CIB2: variants seen among roughly 807,000 people sequenced by gnomAD.
The protein encoded by CIB2 is calcium and integrin-binding family member 2.
A neutral mutation model predicts 23.1 loss-of-function variants in CIB2; 19 were observed. The ratio of observed to expected loss-of-function variants is 0.82; its 90% CI spans 0.57 to 1.21. The LOEUF (loss-of-function observed/expected upper bound fraction) is 1.21, where lower values mean the gene tolerates loss of function less well. CIB2 is among the 50% of genes most tolerant of loss of function. CIB2 has a pLI of 0.00. For synonymous variants in CIB2, 94 were observed against 91.7 expected (o/e 1.03, Z -0.14); for missense variants, 220 against 241.5 (o/e 0.91, Z 0.59).
chr15:78,109,200 C>CGGGGGGG, intron 4 of CIB2, 35 bp downstream of exon 4: 2 of 1,159,170 alleles, frequency 1.7e-6, no homozygotes, highest in African/African-American at 1.6e-5. Flanking sequence ...GTTCCCCCAC[C>CGGGGGGG]GCATATTCAG....
intron 2 of CIB2, among the ~76,000 whole-genome samples, chr15:78,114,000 T>C (rs1230121566): frequency 6.6e-6 from 1 of 152,150 alleles, no homozygotes; most frequent in African/African-American, 2.4e-5. Context: ...AGGCTGAGGT[T>C]GGAGCCCTGC....
intron 1 of CIB2, among the ~76,000 whole-genome samples, chr15:78,128,622 C>T (rs1324369729): frequency 1.4e-5 from 2 of 147,698 alleles, no homozygotes; most frequent in Admixed American, 6.8e-5. Context: ...AGCTGGGATG[C>T]GGAGGTTGCA....
At chr15:78,124,468 AGG>A (rs2141914722) in intron 1 of CIB2, among the ~76,000 whole-genome samples, 1 of 152,126 alleles carries the variant, frequency 6.6e-6, no homozygotes, top group South Asian at 2.1e-4. Flanking sequence ...CTCATCTCGG[AGG>A]GGTCCTGTCT....
intron 2 of CIB2, 46 bp downstream of exon 2, chr15:78,123,659 G>A (rs555064533): frequency 1.4e-5 from 23 of 1,610,020 alleles, no homozygotes; most frequent in East Asian, 1.3e-4. Flanking sequence ...GCCTCACCCC[G>A]GCCCCAGTCC....
Position 78,131,289 on chromosome 15 carries a change from C to G in CIB2, c.-74G>C. 8.5e-7 allele frequency: 1 copy of G among 1,181,794 alleles called. No homozygotes were observed. The highest frequency in any genetic ancestry group is 1.1e-6 in the Non-Finnish European group (1 of 946,340). 73.2% of individuals were successfully genotyped at this position (1,181,794 alleles called of 1,614,324 possible). ...GCGGCCGCCAGACCCGGAGCCAGCG[C>G]CCCGTGCCCGCGGCCCTCGGCAGCC... On this transcript the variant is annotated 5_prime_UTR_variant, in exon 1 of 6. Transcript: ENST00000258930. The surrounding 1 kb of genome is among the most constrained non-coding windows in gnomAD (Gnocchi z 5.8).
chr15:78,124,162 A>G (rs1276670064), intron 1 of CIB2, among the ~76,000 whole-genome samples: 1 of 152,084 alleles, frequency 6.6e-6, no homozygotes, highest in African/African-American at 2.4e-5. Flanking sequence ...TCCTCACTGT[A>G]GCCCTGAGCA....
At chr15:78,111,303 T>C in intron 2 of CIB2, 27 bp from the exon 3 acceptor site, 1 of 1,562,378 alleles carries the variant, frequency 6.4e-7, no homozygotes, top group Non-Finnish European at 8.8e-7. Context: ...GAAAAAGCGC[T>C]GGAGGGGGTG....
intron 5 of CIB2, 198 bp downstream of exon 5, chr15:78,105,541 G>A (rs2074053645): frequency 6.8e-7 from 1 of 1,479,044 alleles, no homozygotes; most frequent in Admixed American, 2.3e-5. Flanking sequence ...CACTGAAGGG[G>A]CCCCCAGGTC....
chr15:78,107,383 C>A (rs1012522523), intron 4 of CIB2, among the ~76,000 whole-genome samples: 1 of 152,132 alleles, frequency 6.6e-6, no homozygotes, highest in Non-Finnish European at 1.5e-5. Context: ...CTAGGGTATG[C>A]GTCAGGGAGT....
chr15:78,127,452 T>C (rs372962199), intron 1 of CIB2, among the ~76,000 whole-genome samples: 2 of 152,000 alleles, frequency 1.3e-5, no homozygotes, highest in African/African-American at 2.4e-5. Context: ...TCTCAGAACA[T>C]TGGCAGCAGA....
At chr15:78,116,225 G>A (rs188957230) in intron 2 of CIB2, among the ~76,000 whole-genome samples, 4 of 152,174 alleles carry the variant, frequency 2.6e-5, no homozygotes, top group East Asian at 3.9e-4. Flanking sequence ...TTGGGAGGCC[G>A]AGGCGAGCCA....
chr15:78,120,809 C>G, intron 2 of CIB2: 1 of 894,686 alleles, frequency 1.1e-6, no homozygotes, highest in Non-Finnish European at 1.3e-6. Flanking sequence ...CTGGTCAGTA[C>G]GCAGGGAGCA....
At chr15:78,109,498 C>G in intron 3 of CIB2, 116 bp from the exon 4 acceptor site, 1 of 1,140,008 alleles carries the variant, frequency 8.8e-7, no homozygotes, top group East Asian at 2.4e-5. Context: ...CTCTGAGCCT[C>G]GGTTTCCCCA....
chr15:78,109,630 C>A, intron 3 of CIB2: 1 of 533,790 alleles, frequency 1.9e-6, no homozygotes, highest in Non-Finnish European at 3.4e-6. Context: ...AAGCATTCTA[C>A]TGGGTCATGT....
intron 1 of CIB2, among the ~76,000 whole-genome samples, chr15:78,130,246 AG>A (rs11438204): frequency 6.6e-6 from 1 of 151,820 alleles, no homozygotes; most frequent in Admixed American, 6.6e-5. Context: ...GATCCTCTGG[AG>A]GGGGGAAAGG....
chr15:78,111,280 G>A lies in CIB2; in HGVS notation c.87-4C>T, dbSNP rs760922217. On this transcript the variant is annotated splice_region_variant and splice_polypyrimidine_tract_variant and intron_variant, in intron 2 of 5. Coordinates refer to ENST00000258930, the MANE Select transcript of CIB2 (RefSeq NM_006383.4). ...CTCATAGAATCGCGAATGCAGCCTT[G>A]GAGGAAAGCAGAGAAAAAGCGCTGG... The A allele has an allele frequency of 1.9e-6, 3 of 1,612,772 alleles. No individual in the cohort carries two copies. Among genetic ancestry groups the A allele is most frequent in the African/African-American group, 2.7e-5 (2 of 74,986 alleles).
chr15:78,105,896 C>A lies in CIB2; in HGVS notation c.385G>T (p.Glu129Ter), dbSNP rs752523704. ...TDNFICKEDL[E>*]LTLARLTKSE... ...TTAGTGAGCCGGGCCAGCGTCAGCT[C>A]CAGGTCCTCCTTGCAGATGAAGTTG... is the stretch of plus-strand genomic sequence containing the variant. Residue 129 changes from glutamate (E) to a stop codon, truncating the protein, a stop_gained, in exon 5 of 6, where the codon GAG becomes TAG. Transcript: ENST00000258930. LOFTEE classifies it high-confidence loss of function. The A allele has an allele frequency of 1.2e-6, 2 of 1,614,200 alleles. No individual in the cohort carries two copies. The highest frequency in any genetic ancestry group is 1.7e-6 in the Non-Finnish European group (2 of 1,180,032).
intron 2 of CIB2, 49 bp from the exon 3 acceptor site, chr15:78,111,325 C>T: frequency 6.7e-7 from 1 of 1,481,842 alleles, no homozygotes; most frequent in Non-Finnish European, 9.3e-7. Context: ...CATCCCTAAG[C>T]CCCAGCAGCC....
chr15:78,124,894 G>A (rs564035375), intron 1 of CIB2, among the ~76,000 whole-genome samples: 11 of 152,320 alleles, frequency 7.2e-5, no homozygotes, highest in Non-Finnish European at 1.6e-4. Context: ...AAGAGAGGAC[G>A]CCTGCAGGAT....
Sources: allele counts gnomAD v4.1 joint callset (sites outside exome capture counted in the v4.1 genomes callset), GRCh38; gene constraint gnomAD v4.1.1; non-coding constraint Gnocchi (gnomAD v3.1); transcripts MANE v1.5; gene names NCBI Gene and HGNC (gene_info 2026-07-23, HGNC 2026-07-21).